The following ANGPT1 variants were observed in gnomAD, a reference collection of about 807,000 sequenced individuals.
The protein encoded by ANGPT1 is angiopoietin 1.
A neutral mutation model predicts 62.2 loss-of-function variants in ANGPT1; 17 were observed. That is an observed-to-expected ratio of 0.27 (90% confidence interval 0.19 to 0.41). ANGPT1 has a LOEUF of 0.41. Ranked by LOEUF, ANGPT1 falls within the 10% of genes least tolerant of loss-of-function variation. ANGPT1 has a pLI of 1.00. For synonymous variants in ANGPT1, 199 were observed against 198.9 expected (o/e 1.00, Z 0.00); for missense variants, 478 against 594.9 (o/e 0.80, Z 2.04).
chr8:107,424,387 T>G (rs926517309), intron 1 of ANGPT1, among the ~76,000 whole-genome samples: 1 of 152,142 alleles, frequency 6.6e-6, no homozygotes, highest in Non-Finnish European at 1.5e-5. Context: ...TTCAAACACA[T>G]CTAATTTTGA....
At chr8:107,351,943 A>G (rs1815942554) in intron 1 of ANGPT1, among the ~76,000 whole-genome samples, 1 of 152,198 alleles carries the variant, frequency 6.6e-6, no homozygotes, top group Non-Finnish European at 1.5e-5. Flanking sequence ...AGAACAATCC[A>G]GGTACTGTAA....
intron 1 of ANGPT1, among the ~76,000 whole-genome samples, chr8:107,373,437 T>C (rs1816457506): frequency 6.6e-6 from 1 of 152,140 alleles, no homozygotes; most frequent in Non-Finnish European, 1.5e-5. Context: ...AATGATACAA[T>C]TGACCACTCT....
At chr8:107,252,282 T>C (rs1001231710) in intron 8 of ANGPT1, among the ~76,000 whole-genome samples, 7 of 152,192 alleles carry the variant, frequency 4.6e-5, no homozygotes, top group African/African-American at 1.7e-4. Context: ...TCACTTCTTC[T>C]TGTAATGATG....
chr8:107,496,127 C>T (rs1379226296), intron 1 of ANGPT1, among the ~76,000 whole-genome samples: 1 of 152,140 alleles, frequency 6.6e-6, no homozygotes, highest in Admixed American at 6.6e-5. Flanking sequence ...AGGGATTGCC[C>T]GGTTAACAGA....
At chr8:107,358,021 A>G (rs983577953) in intron 1 of ANGPT1, among the ~76,000 whole-genome samples, 4 of 152,082 alleles carry the variant, frequency 2.6e-5, no homozygotes, top group Admixed American at 6.6e-5. Flanking sequence ...TATCTTGTTT[A>G]TGGGTTTTTA....
chr8:107,394,473 A>G (rs1465600525), intron 1 of ANGPT1, among the ~76,000 whole-genome samples: 1 of 152,128 alleles, frequency 6.6e-6, no homozygotes, highest in African/African-American at 2.4e-5. Context: ...GATGGTACCT[A>G]CAGATTTAAT....
intron 2 of ANGPT1, among the ~76,000 whole-genome samples, chr8:107,340,239 TAAG>T (rs1815665710): frequency 6.6e-6 from 1 of 151,896 alleles, no homozygotes; most frequent in South Asian, 2.1e-4. Context: ...AATTTTTAAA[TAAG>T]AAGAAGGAAA....
At chr8:107,487,327 T>G (rs934971362) in intron 1 of ANGPT1, among the ~76,000 whole-genome samples, 7 of 152,160 alleles carry the variant, frequency 4.6e-5, no homozygotes, top group African/African-American at 1.7e-4. Context: ...GTCTGAGGGC[T>G]GCCTTGCCAC....
intron 1 of ANGPT1, among the ~76,000 whole-genome samples, chr8:107,484,581 T>C (rs954765330): frequency 2.0e-5 from 3 of 152,020 alleles, no homozygotes; most frequent in African/African-American, 7.2e-5. Flanking sequence ...AATTCTTGTA[T>C]ATTATTTTGT....
Position 107,416,903 on chromosome 8 carries a change from C to T in ANGPT1, c.298-69806G>A, listed in dbSNP as rs554537322. Among the ~76,000 whole-genome samples, 32 of 151,834 alleles carry T rather than the reference C, an allele frequency of 2.1e-4. No individual in the cohort carries two copies. In the South Asian group the frequency reaches 5.6e-3, roughly 27 times the overall value. ...GCCTCCCTGGTTCAAGCAATTCTCC[C>T]GCCTCAGGTTCCCCAGTAGCTAGGA... On this transcript the variant is annotated intron_variant, in intron 1 of 8. Transcript: ENST00000517746.
chr8:107,478,273 G>A (rs1812587373), intron 1 of ANGPT1, among the ~76,000 whole-genome samples: 1 of 151,668 alleles, frequency 6.6e-6, no homozygotes, highest in Admixed American at 6.6e-5. Flanking sequence ...AATCTGCCGG[G>A]CGTGGTGGCT....
chr8:107,333,062 C>T (rs1815460870), intron 3 of ANGPT1, among the ~76,000 whole-genome samples: 1 of 152,134 alleles, frequency 6.6e-6, no homozygotes, highest in Admixed American at 6.5e-5. Context: ...TCCCCTAATT[C>T]CATTGCACAT....
At chr8:107,311,901 A>G (rs952511246) in intron 4 of ANGPT1, among the ~76,000 whole-genome samples, 1 of 152,050 alleles carries the variant, frequency 6.6e-6, no homozygotes, top group Non-Finnish European at 1.5e-5. Flanking sequence ...CGTCTCTACT[A>G]AAAATACAAA....
At chr8:107,364,751 T>C (rs1472928914) in intron 1 of ANGPT1, among the ~76,000 whole-genome samples, 2 of 152,246 alleles carry the variant, frequency 1.3e-5, no homozygotes, top group Non-Finnish European at 2.9e-5. Context: ...TAACACGTGC[T>C]AGTTGTTTCA....
chr8:107,490,834 G>A (rs1034475549), intron 1 of ANGPT1, among the ~76,000 whole-genome samples: 1 of 152,174 alleles, frequency 6.6e-6, no homozygotes, highest in Admixed American at 6.5e-5. Flanking sequence ...AACATATAAA[G>A]GAAGGAAAGT....
In ANGPT1 at chr8:107,250,137, T is replaced by C. The variant is rs1362239097; in HGVS notation, c.*1718A>G. On this transcript the variant is annotated 3_prime_UTR_variant, in exon 9 of 9. Coordinates refer to ENST00000517746, the MANE Select transcript of ANGPT1 (RefSeq NM_001146.5). ...GGCATAGTGGATCAAGTCACCAAGTTTGAAACTGGTATTGCTACCTTGCCA... is the reference window on the plus strand; with the variant it reads ...GGCATAGTGGATCAAGTCACCAAGTCTGAAACTGGTATTGCTACCTTGCCA... The C allele has an allele frequency of 4.6e-5, 7 of 152,290 alleles. No homozygotes were observed. Among genetic ancestry groups the C allele is most frequent in the African/African-American group, 1.4e-4 (6 of 41,472 alleles). 9.4% of individuals were successfully genotyped at this position (152,290 alleles called of 1,614,324 possible). A position where few individuals can be genotyped will look rare whatever the true frequency, so the allele number is the denominator to read the frequency against.
intron 1 of ANGPT1, among the ~76,000 whole-genome samples, chr8:107,467,645 C>A (rs569703707): frequency 2.0e-5 from 3 of 152,010 alleles, no homozygotes; most frequent in Non-Finnish European, 4.4e-5. Context: ...GTTAGGAACA[C>A]GTGATCTGTG....
intron 1 of ANGPT1, among the ~76,000 whole-genome samples, chr8:107,409,143 G>C (rs1428035545): frequency 6.6e-6 from 1 of 152,178 alleles, no homozygotes; most frequent in Non-Finnish European, 1.5e-5. Context: ...AATGGCTTCA[G>C]ATGTGGCAAG....
At chr8:107,450,537 G>T (rs180965196) in intron 1 of ANGPT1, among the ~76,000 whole-genome samples, 1 of 151,794 alleles carries the variant, frequency 6.6e-6, no homozygotes, top group Admixed American at 6.6e-5. Context: ...AGTTTGGATC[G>T]GAATAACAAG....
Sources: allele counts gnomAD v4.1 joint callset (sites outside exome capture counted in the v4.1 genomes callset), GRCh38; gene constraint gnomAD v4.1.1; transcripts MANE v1.5; gene names NCBI Gene and HGNC (gene_info 2026-07-23, HGNC 2026-07-21).